The following FAM76B variants were observed in gnomAD, a reference collection of about 807,000 sequenced individuals.
The protein encoded by FAM76B is family with sequence similarity 76 member B.
In FAM76B, 16 loss-of-function variants were observed where a neutral mutation model predicts 51.8. The ratio of observed to expected loss-of-function variants is 0.31; its 90% confidence interval spans 0.21 to 0.47. The LOEUF (loss-of-function observed/expected upper bound fraction) is 0.47, where lower values mean the gene tolerates loss of function less well. Among genes scored for constraint, FAM76B ranks in the 20% least tolerant of loss-of-function variants. FAM76B has a pLI of 1.00. For missense variants in FAM76B, 342 were observed against 392.6 expected (o/e 0.87, Z 1.09); for synonymous variants, 166 against 129.5 (o/e 1.28, Z -1.91).
intron 9 of FAM76B, among the ~76,000 whole-genome samples, chr11:95,774,102 G>C (rs1859891074): frequency 6.6e-6 from 1 of 151,316 alleles, no homozygotes; most frequent in Admixed American, 6.6e-5. Context: ...AAAAATCAGG[G>C]AAGTGGCCTG....
At chr11:95,772,163 C>T (rs902859257) in intron 9 of FAM76B, among the ~76,000 whole-genome samples, 1 of 151,080 alleles carries the variant, frequency 6.6e-6, no homozygotes, top group Non-Finnish European at 1.5e-5. Flanking sequence ...GAATTTGTTA[C>T]TTTGCCAAAT....
chr11:95,779,771 T>C, intron 6 of FAM76B, 84 bp from the exon 7 acceptor site: 1 of 1,560,960 alleles, frequency 6.4e-7, no homozygotes, highest in Non-Finnish European at 8.7e-7. Context: ...CCCTAAAATA[T>C]TACTGAAAAT....
At chr11:95,788,914 A>G (rs1860780813) in intron 1 of FAM76B, 1 of 1,353,620 alleles carries the variant, frequency 7.4e-7, no homozygotes. Flanking sequence ...TCCAAATCAG[A>G]GCATTCTGTT....
At position 95,787,625 on chromosome 11, in the gene FAM76B, G is replaced by T. The variant is rs565105324; in HGVS notation, c.206C>A (p.Thr69Lys). The T allele has an allele frequency of 6.2e-7, 1 of 1,610,082 alleles. No individual in the cohort carries two copies. The highest frequency in any genetic ancestry group is 8.5e-7 in the Non-Finnish European group (1 of 1,177,502). Reference sequence around the variant, plus strand: ...CATGAAAACATAAGACATACTTACCGTCCCAAATTGCTTCACATTTTGAGC... The same window carrying T: ...CATGAAAACATAAGACATACTTACCTTCCCAAATTGCTTCACATTTTGAGC... ...KCAQNVKQFG[T>K]PKPCQYCNII... Residue 69 changes from threonine to lysine, a missense_variant and splice_region_variant, in exon 3 of 10, where the codon ACG (threonine) becomes AAG (lysine). Coordinates refer to ENST00000358780, the MANE Select transcript of FAM76B (RefSeq NM_144664.5).
In FAM76B at chr11:95,778,805, A is replaced by T; in HGVS notation, c.828+17T>A. The T allele has an allele frequency of 6.3e-7, 1 of 1,581,388 alleles. No individual in the cohort carries two copies. Among genetic ancestry groups the T allele is most frequent in the Non-Finnish European group, 8.6e-7 (1 of 1,168,660 alleles). Reference sequence around the variant, plus strand: ...AACACATAACTCTTACCAGGCTTCAATGAACCATGTTCTTACCTTTTTATC... The same window carrying T: ...AACACATAACTCTTACCAGGCTTCATTGAACCATGTTCTTACCTTTTTATC... On this transcript the variant is annotated intron_variant, in intron 8 of 9. Transcript: ENST00000358780.
chr11:95,784,495 A>G (rs549326422), intron 4 of FAM76B, among the ~76,000 whole-genome samples: 2 of 152,138 alleles, frequency 1.3e-5, no homozygotes, highest in Non-Finnish European at 2.9e-5. Context: ...TGTGTTACAT[A>G]AGTTATGTTC....
At chr11:95,772,199 T>A (rs1286308680) in intron 9 of FAM76B, among the ~76,000 whole-genome samples, 1 of 151,122 alleles carries the variant, frequency 6.6e-6, no homozygotes, top group African/African-American at 2.4e-5. Flanking sequence ...CAATTTTTTT[T>A]AAAGCACCCA....
intron 3 of FAM76B, 163 bp from the exon 4 acceptor site, chr11:95,786,437 T>C (rs1266205890): frequency 3.2e-6 from 2 of 615,546 alleles, no homozygotes; most frequent in Non-Finnish European, 5.4e-6. Flanking sequence ...TTTTATACCA[T>C]ATTTCTATGC....
chr11:95,771,820 T>C (rs1476339925), intron 9 of FAM76B, among the ~76,000 whole-genome samples, 170 bp from the exon 10 acceptor site: 2 of 151,170 alleles, frequency 1.3e-5, no homozygotes, highest in East Asian at 1.9e-4. Context: ...AGGATGAACA[T>C]GCAGAAGGAA....
In FAM76B at chr11:95,770,045, CTT is replaced by C. The variant is rs1565280436; in HGVS notation, c.*1514_*1515del. 2.6e-5 allele frequency: 4 copies of C among 151,592 alleles called. No individual in the cohort carries two copies. The South Asian group carries it at 6.2e-4, about 24-fold the overall frequency. 9.4% of individuals were successfully genotyped at this position (151,592 alleles called of 1,614,324 possible). A position where few individuals can be genotyped will look rare whatever the true frequency, so the allele number is the denominator to read the frequency against. ...CTTGTATAAAACAAAACCTTTAAAACTTATAAATTTAGTAACAGTTTTACATG... is the reference window on the plus strand; with the variant it reads ...CTTGTATAAAACAAAACCTTTAAAACATAAATTTAGTAACAGTTTTACATG... On this transcript the variant is annotated 3_prime_UTR_variant, in exon 10 of 10. Transcript: ENST00000358780.
At chr11:95,785,449 T>C (rs771660864) in intron 4 of FAM76B, among the ~76,000 whole-genome samples, 2 of 152,222 alleles carry the variant, frequency 1.3e-5, no homozygotes, top group African/African-American at 2.4e-5. Flanking sequence ...AAACCAAGTT[T>C]TTATCTTCTG....
chr11:95,779,792 GT>G (rs1331076999), intron 6 of FAM76B, 86 bp downstream of exon 6: 5 of 1,556,638 alleles, frequency 3.2e-6, no homozygotes, highest in African/African-American at 2.8e-5. Context: ...ACTGATTTTG[GT>G]AAGACTTAAG....
Position 95,770,191 on chromosome 11 carries a change from T to G in FAM76B, c.*1370A>C, listed in dbSNP as rs984599572. ...AACTGATAATAACTAGGAGATAAAT[T>G]CTATTTCAGGCTGAAAACCGCTGGA... is the stretch of plus-strand genomic sequence containing the variant. On this transcript the variant is annotated 3_prime_UTR_variant, in exon 10 of 10. Transcript: ENST00000358780. 2 of 151,794 alleles carry G rather than the reference T, an allele frequency of 1.3e-5. No individual in the cohort carries two copies. Among genetic ancestry groups the G allele is most frequent in the African/African-American group, 4.8e-5 (2 of 41,362 alleles). The allele number at this position is 151,794 out of a possible 1,614,324, so 9.4% of individuals were successfully genotyped here.
chr11:95,772,696 A>T (rs535161096), intron 9 of FAM76B, among the ~76,000 whole-genome samples: 1 of 151,076 alleles, frequency 6.6e-6, no homozygotes, highest in Non-Finnish European at 1.5e-5. Flanking sequence ...TCAGTACTTC[A>T]TATTTTATTC....
chr11:95,781,349 A>C (rs1401348978), intron 5 of FAM76B, among the ~76,000 whole-genome samples: 1 of 152,130 alleles, frequency 6.6e-6, no homozygotes, highest in Non-Finnish European at 1.5e-5. Context: ...TGAACTTAAG[A>C]TAGGACCCTA....
chr11:95,788,714 T>C, intron 1 of FAM76B, 151 bp from the exon 2 acceptor site: 1 of 1,216,438 alleles, frequency 8.2e-7, no homozygotes, highest in Admixed American at 2.6e-5. Context: ...ATCATATAAG[T>C]GGCCAATCAC....
At chr11:95,776,095 C>T (rs1859994640) in intron 8 of FAM76B, 72 bp from the exon 9 acceptor site, 1 of 778,908 alleles carries the variant, frequency 1.3e-6, no homozygotes, top group Non-Finnish European at 1.9e-6. Context: ...AAATAACTTT[C>T]ACAATAAACT....
chr11:95,778,394 A>G (rs1486619598), intron 8 of FAM76B, among the ~76,000 whole-genome samples: 13 of 151,476 alleles, frequency 8.6e-5, no homozygotes, highest in Non-Finnish European at 8.9e-5. Context: ...TTCCCATACC[A>G]TTACTTTTCA....
At chr11:95,780,483 TGA>T (rs1275825270) in intron 5 of FAM76B, among the ~76,000 whole-genome samples, 1 of 152,030 alleles carries the variant, frequency 6.6e-6, no homozygotes, top group Admixed American at 6.6e-5. Flanking sequence ...CTGAAACTAT[TGA>T]GAAATTTCAT....
Sources: gnomAD v4.1 joint callset for allele counts (sites outside exome capture counted in the v4.1 genomes callset) on GRCh38, gnomAD v4.1.1 for gene constraint, MANE v1.5 for transcripts, NCBI Gene and HGNC (gene_info 2026-07-23, HGNC 2026-07-21) for gene names.